NTNG1: variants seen among roughly 807,000 people sequenced by gnomAD.
NTNG1 encodes the protein netrin-G1.
NTNG1 carries 16 observed loss-of-function variants against 54.0 expected under a neutral mutation model. The ratio of observed to expected loss-of-function variants is 0.30; its 90% CI spans 0.20 to 0.45. NTNG1 has a LOEUF of 0.45. Among genes scored for constraint, NTNG1 ranks in the 20% least tolerant of loss-of-function variants. The pLI, the probability that NTNG1 is intolerant of heterozygous loss-of-function variation, is 1.00. For missense variants in NTNG1, 530 were observed against 678.7 expected (o/e 0.78, Z 2.43); for synonymous variants, 255 against 263.1 (o/e 0.97, Z 0.30).
At chr1:107,323,700 G>A (rs72985556) in intron 2 of NTNG1, among the ~76,000 whole-genome samples, 3,874 of 152,092 alleles carry the variant, frequency 0.025, 173 homozygotes, top group African/African-American at 0.089. Context: ...AATAATTGGT[G>A]GTGAACAAAG....
intron 2 of NTNG1, among the ~76,000 whole-genome samples, chr1:107,238,057 T>C (rs2101565396): frequency 6.6e-6 from 1 of 152,194 alleles, no homozygotes; most frequent in Non-Finnish European, 1.5e-5. Flanking sequence ...CTGCAGACGC[T>C]CAACACCAGC....
intron 7 of NTNG1, among the ~76,000 whole-genome samples, chr1:107,476,815 C>T (rs1678362349): frequency 6.6e-6 from 1 of 152,180 alleles, no homozygotes; most frequent in South Asian, 2.1e-4. Flanking sequence ...CACTGTGGCA[C>T]CTTCACAACC....
chr1:107,216,686 C>CT (rs369687969), intron 2 of NTNG1, among the ~76,000 whole-genome samples: 2,472 of 139,782 alleles, frequency 0.018, 40 homozygotes, highest in African/African-American at 0.047. Context: ...AGGATTCCCT[C>CT]TTTTTTTTTT....
intron 2 of NTNG1, among the ~76,000 whole-genome samples, chr1:107,162,281 T>A (rs2101058455): frequency 6.6e-6 from 1 of 152,250 alleles, no homozygotes; most frequent in East Asian, 1.9e-4. Context: ...ATGCACTACT[T>A]TGAACTCCTA....
chr1:107,165,111 G>A (rs1289916513), intron 2 of NTNG1, among the ~76,000 whole-genome samples: 1 of 152,120 alleles, frequency 6.6e-6, no homozygotes, highest in African/African-American at 2.4e-5. Flanking sequence ...TCAGGATGGA[G>A]CAAGTGACCA....
intron 5 of NTNG1, chr1:107,408,579 T>C (rs1673595158): frequency 6.6e-6 from 1 of 152,070 alleles, no homozygotes; most frequent in Non-Finnish European, 1.5e-5. Flanking sequence ...AAGCCTGAAA[T>C]TCACATTAAG....
intron 7 of NTNG1, among the ~76,000 whole-genome samples, chr1:107,477,793 A>G (rs1678425288): frequency 6.6e-6 from 1 of 152,320 alleles, no homozygotes; most frequent in Admixed American, 6.5e-5. Context: ...CTGCCAAACC[A>G]GGTACTCCTT....
intron 2 of NTNG1, among the ~76,000 whole-genome samples, chr1:107,193,115 T>C (rs924902225): frequency 1.1e-4 from 17 of 152,042 alleles, no homozygotes; most frequent in African/African-American, 4.1e-4. Context: ...CCTTGATAGG[T>C]GCTCTCATTG....
At chr1:107,477,040 A>G (rs772113777) in intron 7 of NTNG1, among the ~76,000 whole-genome samples, 2 of 152,264 alleles carry the variant, frequency 1.3e-5, no homozygotes, top group Non-Finnish European at 2.9e-5. Context: ...GTGTTAAGTA[A>G]GCAGGAACCA....
chr1:107,169,560 G>A (rs957340192), intron 2 of NTNG1, among the ~76,000 whole-genome samples: 3 of 152,060 alleles, frequency 2.0e-5, no homozygotes, highest in Non-Finnish European at 4.4e-5. Context: ...GCCTTCATAG[G>A]AATAGTTTAT....
At chr1:107,296,680 C>T (rs1398543636) in intron 2 of NTNG1, among the ~76,000 whole-genome samples, 2 of 146,964 alleles carry the variant, frequency 1.4e-5, no homozygotes, top group Non-Finnish European at 3.0e-5. Flanking sequence ...TATATTTATA[C>T]ATTATATATA....
intron 5 of NTNG1, chr1:107,421,125 G>A (rs1276203050): frequency 6.2e-7 from 1 of 1,609,412 alleles, no homozygotes; most frequent in Non-Finnish European, 8.5e-7. Context: ...TTCTGTTCAA[G>A]TTGCAAACCA....
chr1:107,236,029 A>T (rs1007065951), intron 2 of NTNG1, among the ~76,000 whole-genome samples: 1 of 152,220 alleles, frequency 6.6e-6, no homozygotes, highest in African/African-American at 2.4e-5. Flanking sequence ...AAGAAGGAAT[A>T]CAACATCAAG....
chr1:107,222,203 G>A (rs545563441), intron 2 of NTNG1, among the ~76,000 whole-genome samples: 3 of 152,068 alleles, frequency 2.0e-5, no homozygotes, highest in Admixed American at 1.3e-4. Flanking sequence ...GACTCCCATA[G>A]CACCCTGTAC....
chr1:107,156,780 T>G (rs917475741), intron 2 of NTNG1, among the ~76,000 whole-genome samples: 2 of 152,136 alleles, frequency 1.3e-5, no homozygotes, highest in Non-Finnish European at 2.9e-5. Context: ...GAAAGAGGTG[T>G]CAGGGAACTT....
chr1:107,421,035 G>T, intron 5 of NTNG1: 1 of 1,317,766 alleles, frequency 7.6e-7, no homozygotes, highest in Non-Finnish European at 1.1e-6. Flanking sequence ...CAGTTTGAAC[G>T]TTTCACTATT....
intron 2 of NTNG1, among the ~76,000 whole-genome samples, chr1:107,218,431 C>T (rs1027941704): frequency 2.6e-5 from 4 of 152,036 alleles, no homozygotes; most frequent in African/African-American, 9.7e-5. Context: ...TTAAATGGAG[C>T]ATTTAGGCCA....
intron 7 of NTNG1, among the ~76,000 whole-genome samples, chr1:107,475,086 T>C (rs560380761): frequency 2.0e-5 from 3 of 152,296 alleles, no homozygotes; most frequent in East Asian, 1.9e-4. Context: ...TGAGTAACAA[T>C]TGATACTATC....
intron 2 of NTNG1, among the ~76,000 whole-genome samples, chr1:107,191,254 G>A (rs1168339818): frequency 6.1e-4 from 92 of 151,050 alleles, no homozygotes; most frequent in African/African-American, 2.1e-3. Context: ...CATATCCTTT[G>A]CCCACTTTTT....
Sources: allele counts gnomAD v4.1 joint callset (sites outside exome capture counted in the v4.1 genomes callset), GRCh38; gene constraint gnomAD v4.1.1; transcripts MANE v1.5; gene names NCBI Gene and HGNC (gene_info 2026-07-23, HGNC 2026-07-21).